Variants in COL26A1 observed in about 807,000 individuals in gnomAD.
COL26A1 encodes collagen alpha-1(XXVI) chain.
Under a neutral mutation model 59.3 loss-of-function variants are expected in COL26A1, and 41 were observed. The ratio of observed to expected loss-of-function variants is 0.69; its 90% CI spans 0.54 to 0.90. COL26A1 has a LOEUF of 0.90. COL26A1 is among the 40% of genes least tolerant of loss of function. The pLI is 0.00. For synonymous variants in COL26A1, 266 were observed against 256.0 expected (o/e 1.04, Z -0.37); for missense variants, 612 against 602.3 (o/e 1.02, Z -0.17).
chr7:101,468,904 C>T (rs1363827876), intron 3 of COL26A1, among the ~76,000 whole-genome samples: 1 of 152,186 alleles, frequency 6.6e-6, no homozygotes, highest in African/African-American at 2.4e-5. Flanking sequence ...TCCCATTAAG[C>T]AGCTAGATGG....
intron 3 of COL26A1, among the ~76,000 whole-genome samples, chr7:101,529,673 AATAT>A (rs1315751853): frequency 1.3e-5 from 2 of 152,166 alleles, no homozygotes; most frequent in Non-Finnish European, 2.9e-5. Context: ...GAGAACATGC[AATAT>A]TTGATCTTCT....
intron 1 of COL26A1, among the ~76,000 whole-genome samples, chr7:101,363,668 C>T (rs1448842240): frequency 6.6e-6 from 1 of 151,750 alleles, no homozygotes; most frequent in African/African-American, 2.4e-5. Flanking sequence ...TCCGGGGCTG[C>T]GGTGGTCTCT....
chr7:101,483,847 TG>T (rs1442955098), intron 3 of COL26A1, among the ~76,000 whole-genome samples: 1 of 151,926 alleles, frequency 6.6e-6, no homozygotes, highest in Non-Finnish European at 1.5e-5. Flanking sequence ...GCTAAATTTT[TG>T]TATGTTTAGT....
At chr7:101,429,626 T>C (rs1463768930) in intron 2 of COL26A1, among the ~76,000 whole-genome samples, 1 of 140,760 alleles carries the variant, frequency 7.1e-6, no homozygotes, top group East Asian at 2.0e-4. Flanking sequence ...AGGATTTTGC[T>C]CTGTCGCCCA....
At chr7:101,457,360 T>C (rs1793496014) in intron 3 of COL26A1, among the ~76,000 whole-genome samples, 1 of 152,196 alleles carries the variant, frequency 6.6e-6, no homozygotes, top group Non-Finnish European at 1.5e-5. Context: ...TCCTGTGTCA[T>C]AAAGGATTAT....
chr7:101,544,022 C>G lies in COL26A1; in HGVS notation c.629C>G (p.Pro210Arg), dbSNP rs753815466. The change falls in exon 6 of 13, where the codon CCA becomes CGA. Residue 210 changes from proline (P) to arginine (R), a missense_variant. Pro to Arg is a moderately radical substitution (Grantham distance 103). Coordinates refer to ENST00000313669, the MANE Select transcript of COL26A1 (RefSeq NM_001278563.3). ...PAGPPGQTGP[P>R]GPAGPPGSKG... ...GGGCCCCCGGGGCAGACAGGACCAC[C>G]AGGGCCTGCAGGCCCCCCCGGGTCT... is the stretch of plus-strand genomic sequence containing the variant. The G allele has an allele frequency of 3.1e-6, 5 of 1,591,632 alleles. No homozygotes were observed. In the South Asian group the frequency reaches 4.6e-5, roughly 15 times the overall value.
intron 9 of COL26A1, among the ~76,000 whole-genome samples, chr7:101,550,333 C>T (rs1006325183): frequency 5.9e-5 from 9 of 151,944 alleles, no homozygotes; most frequent in East Asian, 1.9e-4. Context: ...TGGTGGCGTG[C>T]GCCTGTAGTC....
At position 101,491,422 on chromosome 7, in the gene COL26A1, A is replaced by C. The variant is rs563768934; in HGVS notation, c.386-41660A>C. ...AAGGGGTCCCAATAGAGACCCCAAG[A>C]GAGGGTTCTTGGATCTCACACAAGA... On this transcript the variant is annotated intron_variant, in intron 3 of 12. Coordinates refer to ENST00000313669, the MANE Select transcript of COL26A1 (RefSeq NM_001278563.3). Among the ~76,000 whole-genome samples, 19 of 152,310 alleles carry C rather than the reference A, an allele frequency of 1.2e-4. No individual in the cohort carries two copies. In the East Asian group the frequency reaches 3.5e-3, roughly 28 times the overall value.
At chr7:101,425,244 G>A (rs191274041) in intron 2 of COL26A1, among the ~76,000 whole-genome samples, 80 of 147,790 alleles carry the variant, frequency 5.4e-4, no homozygotes, top group Admixed American at 1.3e-3. Context: ...AATTAGCCAG[G>A]CGTGGTGGCG....
intron 1 of COL26A1, among the ~76,000 whole-genome samples, chr7:101,412,478 C>G (rs1310910410): frequency 1.3e-5 from 2 of 151,950 alleles, no homozygotes; most frequent in East Asian, 3.9e-4. Context: ...AACCCCCTCT[C>G]TACTAAAAGT....
At chr7:101,390,718 C>A (rs1198036185) in intron 1 of COL26A1, among the ~76,000 whole-genome samples, 1 of 152,210 alleles carries the variant, frequency 6.6e-6, no homozygotes, top group African/African-American at 2.4e-5. Flanking sequence ...AGCCACCATG[C>A]CTGGCCTGGA....
At chr7:101,394,846 A>C (rs911483448) in intron 1 of COL26A1, among the ~76,000 whole-genome samples, 1 of 145,028 alleles carries the variant, frequency 6.9e-6, no homozygotes. Flanking sequence ...ATTTGTTTCC[A>C]TAAAGCGGTT....
At chr7:101,500,668 A>G (rs1794684266) in intron 3 of COL26A1, among the ~76,000 whole-genome samples, 1 of 151,822 alleles carries the variant, frequency 6.6e-6, no homozygotes, top group Non-Finnish European at 1.5e-5. Context: ...AAACCCCACA[A>G]AAATTAGCTG....
intron 3 of COL26A1, among the ~76,000 whole-genome samples, chr7:101,479,108 G>T (rs1794106033): frequency 1.3e-5 from 2 of 152,192 alleles, no homozygotes; most frequent in Non-Finnish European, 2.9e-5. Flanking sequence ...GGCTTGCCCA[G>T]ACAGAAAATA....
At chr7:101,519,692 T>C (rs1795100327) in intron 3 of COL26A1, among the ~76,000 whole-genome samples, 1 of 152,158 alleles carries the variant, frequency 6.6e-6, no homozygotes, top group Non-Finnish European at 1.5e-5. Flanking sequence ...CAGCCACCCA[T>C]AGATCAGAGG....
chr7:101,445,596 G>T (rs1168555380), intron 2 of COL26A1, among the ~76,000 whole-genome samples: 1 of 150,568 alleles, frequency 6.6e-6, no homozygotes, highest in South Asian at 2.1e-4. Context: ...GCCGGGCGTG[G>T]TGGCGGGCGC....
chr7:101,520,590 G>T (rs148414201), intron 3 of COL26A1, among the ~76,000 whole-genome samples: 2 of 150,044 alleles, frequency 1.3e-5, no homozygotes, highest in African/African-American at 5.0e-5. Flanking sequence ...AGGAGGCAAA[G>T]GTGGGAGGAA....
At chr7:101,466,906 C>T (rs1416269602) in intron 3 of COL26A1, among the ~76,000 whole-genome samples, 2 of 150,490 alleles carry the variant, frequency 1.3e-5, no homozygotes, top group African/African-American at 4.9e-5. Flanking sequence ...CCCCTGAGTA[C>T]CAGAAAGCAC....
intron 3 of COL26A1, among the ~76,000 whole-genome samples, chr7:101,483,345 A>C (rs7788971): frequency 0.52 from 78,437 of 150,628 alleles, 21,973 homozygotes; most frequent in African/African-American, 0.73. Context: ...TTACAGGCAC[A>C]TGCCACCGTA....
Sources: gnomAD v4.1 joint callset for allele counts (sites outside exome capture counted in the v4.1 genomes callset) on GRCh38, gnomAD v4.1.1 for gene constraint, MANE v1.5 for transcripts, NCBI Gene and HGNC (gene_info 2026-07-23, HGNC 2026-07-21) for gene names.